Variants in KSR2 observed in about 807,000 individuals in gnomAD.
KSR2 encodes the protein kinase suppressor of ras 2.
Under a neutral mutation model 107.8 loss-of-function variants are expected in KSR2, and 25 were observed. The ratio of observed to expected loss-of-function variants is 0.23; its 90% CI spans 0.17 to 0.32. The LOEUF is 0.32. Ranked by LOEUF, KSR2 falls within the 10% of genes least tolerant of loss-of-function variation. The pLI is 1.00. For synonymous variants in KSR2, 480 were observed against 507.0 expected (o/e 0.95, Z 0.71); for missense variants, 887 against 1,268.9 (o/e 0.70, Z 4.57).
intron 1 of KSR2, among the ~76,000 whole-genome samples, chr12:117,892,146 A>G (rs901592197): frequency 2.0e-5 from 3 of 152,064 alleles, no homozygotes; most frequent in Non-Finnish European, 4.4e-5. Flanking sequence ...TAAAAATACA[A>G]AAAGAAATTA....
intron 4 of KSR2, among the ~76,000 whole-genome samples, chr12:117,734,174 G>A (rs192569280): frequency 4.6e-5 from 7 of 151,826 alleles, no homozygotes; most frequent in South Asian, 2.1e-4. Context: ...CCAGCTACTC[G>A]GGAGGCTGAA....
At chr12:117,913,595 A>G (rs1238220062) in intron 1 of KSR2, among the ~76,000 whole-genome samples, 1 of 152,208 alleles carries the variant, frequency 6.6e-6, no homozygotes, top group African/African-American at 2.4e-5. Flanking sequence ...GAGAGAAGAA[A>G]GCCATCTGAG....
intron 5 of KSR2, among the ~76,000 whole-genome samples, chr12:117,666,705 G>A (rs1388454507): frequency 6.6e-6 from 1 of 152,226 alleles, no homozygotes; most frequent in Non-Finnish European, 1.5e-5. Context: ...TTAAGGGCCA[G>A]GGGTTATTTC....
intron 4 of KSR2, among the ~76,000 whole-genome samples, chr12:117,710,144 A>G (rs922756632): frequency 6.6e-6 from 1 of 152,178 alleles, no homozygotes; most frequent in Non-Finnish European, 1.5e-5. Flanking sequence ...TGAGTGAAAA[A>G]AATAGCGAGC....
At chr12:117,893,067 G>A (rs1894398216) in intron 1 of KSR2, among the ~76,000 whole-genome samples, 1 of 150,890 alleles carries the variant, frequency 6.6e-6, no homozygotes, top group Non-Finnish European at 1.5e-5. Flanking sequence ...ACCCAGGCTG[G>A]AGTGCAGTGG....
At chr12:117,519,479 G>T (rs560060874) in intron 14 of KSR2, among the ~76,000 whole-genome samples, 1 of 152,186 alleles carries the variant, frequency 6.6e-6, no homozygotes, top group African/African-American at 2.4e-5. Flanking sequence ...CAAGTTCACA[G>T]GTAAGGCTGG....
At chr12:117,502,121 G>T (rs1271579242) in intron 14 of KSR2, among the ~76,000 whole-genome samples, 2 of 152,228 alleles carry the variant, frequency 1.3e-5, no homozygotes, top group African/African-American at 4.8e-5. Context: ...ATTTACATGG[G>T]CATTCTTGTT....
intron 14 of KSR2, among the ~76,000 whole-genome samples, chr12:117,492,250 C>T (rs1483399477): frequency 2.0e-5 from 3 of 152,220 alleles, no homozygotes; most frequent in Non-Finnish European, 2.9e-5. Context: ...ATAAACCAAC[C>T]TAAAAGGGGC....
At chr12:117,589,259 C>T (rs139627235) in intron 5 of KSR2, among the ~76,000 whole-genome samples, 48 of 152,328 alleles carry the variant, frequency 3.2e-4, no homozygotes, top group African/African-American at 9.9e-4. Flanking sequence ...AGCTACTCTA[C>T]CCTAAATGTT....
At chr12:117,667,019 T>C (rs1212497030) in intron 5 of KSR2, among the ~76,000 whole-genome samples, 1 of 152,128 alleles carries the variant, frequency 6.6e-6, no homozygotes, top group Non-Finnish European at 1.5e-5. Context: ...GATGTAAAGG[T>C]TATATATATT....
chr12:117,902,671 C>A (rs1462506729), intron 1 of KSR2, among the ~76,000 whole-genome samples: 1 of 151,842 alleles, frequency 6.6e-6, no homozygotes, highest in Non-Finnish European at 1.5e-5. Flanking sequence ...TGCAGCAAAC[C>A]ACCATGGCAC....
intron 9 of KSR2, among the ~76,000 whole-genome samples, chr12:117,549,683 A>G (rs2137315954): frequency 6.6e-6 from 1 of 152,354 alleles, no homozygotes; most frequent in Non-Finnish European, 1.5e-5. Context: ...TAGAGGAGGA[A>G]GATCTATTTC....
intron 1 of KSR2, among the ~76,000 whole-genome samples, chr12:117,942,696 T>C (rs186224986): frequency 9.0e-4 from 137 of 151,508 alleles, no homozygotes; most frequent in Non-Finnish European, 1.8e-3. Context: ...ACAAGAGTTT[T>C]GCCATGTTGT....
intron 4 of KSR2, among the ~76,000 whole-genome samples, chr12:117,708,342 C>A (rs769111694): frequency 3.5e-4 from 53 of 152,078 alleles, no homozygotes; most frequent in Non-Finnish European, 4.4e-5. Context: ...CTCATGGGAA[C>A]CTTCTGAGAA....
intron 10 of KSR2, among the ~76,000 whole-genome samples, chr12:117,534,262 T>C (rs1233186618): frequency 6.6e-6 from 1 of 152,156 alleles, no homozygotes; most frequent in Non-Finnish European, 1.5e-5. Flanking sequence ...CTGCATCCCA[T>C]GGAGTCTCAC....
At chr12:117,711,264 G>A (rs1886766294) in intron 4 of KSR2, among the ~76,000 whole-genome samples, 2 of 152,340 alleles carry the variant, frequency 1.3e-5, no homozygotes, top group Admixed American at 6.5e-5. Flanking sequence ...GGATGACAGG[G>A]TGGTCAGGAT....
chr12:117,733,431 G>A (rs1465251766), intron 4 of KSR2, among the ~76,000 whole-genome samples: 2 of 152,148 alleles, frequency 1.3e-5, no homozygotes, highest in Non-Finnish European at 1.5e-5. Context: ...TAGATCAGGG[G>A]TCAGCGTATT....
chr12:117,474,445 G>A (rs534993424), intron 17 of KSR2, among the ~76,000 whole-genome samples: 5 of 152,138 alleles, frequency 3.3e-5, no homozygotes, highest in African/African-American at 1.2e-4. Context: ...TGAGGATGCG[G>A]TGGGGGCCCT....
intron 18 of KSR2, 45 bp downstream of exon 18, chr12:117,471,146 G>A (rs759042375): frequency 6.2e-7 from 1 of 1,606,822 alleles, no homozygotes; most frequent in African/African-American, 1.3e-5. Flanking sequence ...GACTGTGTCT[G>A]TGTCTCCCCT....
Sources: allele counts gnomAD v4.1 joint callset (sites outside exome capture counted in the v4.1 genomes callset), GRCh38; gene constraint gnomAD v4.1.1; transcripts MANE v1.5; gene names NCBI Gene and HGNC (gene_info 2026-07-23, HGNC 2026-07-21).